Variants in ITGB6 observed in about 807,000 individuals in gnomAD.
ITGB6 encodes integrin beta-6.
A neutral mutation model predicts 84.5 loss-of-function variants in ITGB6; 80 were observed. The observed-to-expected ratio is 0.95, with a 90% confidence interval of 0.79 to 1.14. The LOEUF is 1.14. Ranked by LOEUF, ITGB6 falls within the 50% of genes most tolerant of loss-of-function variation. ITGB6 has a pLI of 0.00. For synonymous variants in ITGB6, 383 were observed against 354.9 expected (o/e 1.08, Z -0.89); for missense variants, 1,006 against 968.0 (o/e 1.04, Z -0.52).
intron 10 of ITGB6, among the ~76,000 whole-genome samples, chr2:160,129,685 C>T (rs983209441): frequency 5.3e-5 from 8 of 152,144 alleles, no homozygotes; most frequent in African/African-American, 1.9e-4. Context: ...TTGCAGGAGA[C>T]ACTGCCAAGT....
chr2:160,102,356 C>A lies in ITGB6; in HGVS notation c.2269-522G>T, dbSNP rs79920705. On this transcript the variant is annotated intron_variant, in intron 14 of 14. Transcript: ENST00000283249. Reference sequence around the variant, plus strand: ...ACAAATAATCATGCTAAGATGAAATCAAAACTCAGAAGTGGGAGAAAGTAG... The same window carrying A: ...ACAAATAATCATGCTAAGATGAAATAAAAACTCAGAAGTGGGAGAAAGTAG... 7.9e-3 allele frequency among the ~76,000 whole-genome samples: 1,205 copies of A among 152,276 alleles called. 11 individuals carry two copies. The highest frequency in any genetic ancestry group is 0.027 in the African/African-American group (1,142 of 41,562).
chr2:160,127,412 G>T (rs765862604), intron 10 of ITGB6, among the ~76,000 whole-genome samples: 8 of 152,204 alleles, frequency 5.3e-5, no homozygotes, highest in Non-Finnish European at 1.2e-4. Context: ...CAGGTCTTTA[G>T]ATAGACTCTT....
At chr2:160,121,030 T>C (rs1278714328) in intron 12 of ITGB6, among the ~76,000 whole-genome samples, 5 of 151,468 alleles carry the variant, frequency 3.3e-5, no homozygotes, top group Non-Finnish European at 2.9e-5. Flanking sequence ...CTGCACATTG[T>C]GCACATGTAC....
chr2:160,111,339 AAGAC>A (rs1333365697), intron 13 of ITGB6, among the ~76,000 whole-genome samples: 2 of 152,206 alleles, frequency 1.3e-5, no homozygotes, highest in Non-Finnish European at 2.9e-5. Context: ...TTTATTTTGT[AAGAC>A]AGATAATGAG....
intron 4 of ITGB6, among the ~76,000 whole-genome samples, chr2:160,192,285 T>C (rs553011890): frequency 6.6e-6 from 1 of 152,136 alleles, no homozygotes; most frequent in Non-Finnish European, 1.5e-5. Flanking sequence ...AATGGATCAA[T>C]GAAACAGAAT....
chr2:160,191,957 C>A (rs1424921262), intron 4 of ITGB6, among the ~76,000 whole-genome samples: 3 of 152,084 alleles, frequency 2.0e-5, no homozygotes, highest in East Asian at 3.9e-4. Context: ...AATGACAAAA[C>A]ATTGCTCTGA....
chr2:160,185,541 T>C (rs1009124549), intron 4 of ITGB6, among the ~76,000 whole-genome samples: 9 of 152,198 alleles, frequency 5.9e-5, no homozygotes, highest in Non-Finnish European at 8.8e-5. Flanking sequence ...AAAATAGCCA[T>C]ACTGCCTAAA....
At chr2:160,127,499 C>T (rs927935884) in intron 10 of ITGB6, among the ~76,000 whole-genome samples, 1 of 152,200 alleles carries the variant, frequency 6.6e-6, no homozygotes, top group African/African-American at 2.4e-5. Flanking sequence ...TGAACAGAAC[C>T]AATGTGCATC....
chr2:160,118,118 T>C (rs1446915816), intron 12 of ITGB6, among the ~76,000 whole-genome samples: 1 of 152,202 alleles, frequency 6.6e-6, no homozygotes, highest in East Asian at 1.9e-4. Flanking sequence ...CTTCTGAAAC[T>C]ATTCCAATCA....
chr2:160,189,904 C>T (rs1201331027), intron 4 of ITGB6, among the ~76,000 whole-genome samples: 2 of 152,156 alleles, frequency 1.3e-5, no homozygotes, highest in African/African-American at 2.4e-5. Context: ...CACATGCACA[C>T]ATATGTTTAT....
At chr2:160,198,218 G>C (rs77905477) in intron 2 of ITGB6, among the ~76,000 whole-genome samples, 4,161 of 152,124 alleles carry the variant, frequency 0.027, 80 homozygotes, top group South Asian at 0.077. Flanking sequence ...TAATTCTCTT[G>C]AATTTTTTTT....
intron 14 of ITGB6, among the ~76,000 whole-genome samples, chr2:160,107,121 T>G (rs1317260355): frequency 6.6e-6 from 1 of 152,188 alleles, no homozygotes; most frequent in Non-Finnish European, 1.5e-5. Flanking sequence ...AGGTTAATAC[T>G]TTTGGGGTTT....
chr2:160,113,934 C>T (rs1209150731), intron 12 of ITGB6, among the ~76,000 whole-genome samples: 2 of 152,182 alleles, frequency 1.3e-5, no homozygotes, highest in East Asian at 3.8e-4. Context: ...TTTCTTGCTT[C>T]TTTCCCCCTC....
Position 160,182,486 on chromosome 2 carries a change from G to A in ITGB6, c.594-8347C>T, listed in dbSNP as rs529441845. On this transcript the variant is annotated intron_variant, in intron 4 of 14. Transcript: ENST00000283249. Reference sequence around the variant, plus strand: ...CAATCAAAGCCTCCAAGAAATATGGGACTATGTGAAAAGACCAAACCTATG... The same window carrying A: ...CAATCAAAGCCTCCAAGAAATATGGAACTATGTGAAAAGACCAAACCTATG... Among the ~76,000 whole-genome samples, 11 of 152,300 alleles carry A rather than the reference G, an allele frequency of 7.2e-5. No individual in the cohort carries two copies. The South Asian group carries it at 1.9e-3, about 26-fold the overall frequency.
chr2:160,116,455 C>T (rs1293522275), intron 12 of ITGB6, among the ~76,000 whole-genome samples: 1 of 151,996 alleles, frequency 6.6e-6, no homozygotes, highest in African/African-American at 2.4e-5. Flanking sequence ...TACAGACAAG[C>T]AAATGCTGAG....
intron 11 of ITGB6, among the ~76,000 whole-genome samples, chr2:160,125,809 T>TAAAAG (rs10636828): frequency 0.67 from 101,124 of 151,402 alleles, 34,122 homozygotes; most frequent in Admixed American, 0.74. Flanking sequence ...GCATATGATA[T>TAAAAG]AAAACACAAT....
intron 7 of ITGB6, among the ~76,000 whole-genome samples, chr2:160,162,275 A>G (rs1015224723): frequency 6.6e-6 from 1 of 152,232 alleles, no homozygotes; most frequent in Non-Finnish European, 1.5e-5. Flanking sequence ...ACATTGAGTC[A>G]AAAAGCAAAT....
At chr2:160,112,057 G>T in intron 13 of ITGB6, 23 bp downstream of exon 13, 1 of 1,609,166 alleles carries the variant, frequency 6.2e-7, no homozygotes, top group Non-Finnish European at 8.5e-7. Context: ...TTTGCCATCG[G>T]CAATGGAAGG....
At chr2:160,192,819 T>A (rs1447313620) in intron 4 of ITGB6, among the ~76,000 whole-genome samples, 1 of 151,900 alleles carries the variant, frequency 6.6e-6, no homozygotes, top group East Asian at 1.9e-4. Flanking sequence ...CTTAAAAAAA[T>A]GGGCAAAAGA....
Sources: gnomAD v4.1 joint callset for allele counts (sites outside exome capture counted in the v4.1 genomes callset) on GRCh38, gnomAD v4.1.1 for gene constraint, MANE v1.5 for transcripts, NCBI Gene and HGNC (gene_info 2026-07-23, HGNC 2026-07-21) for gene names.